SLC14A2: variants seen among roughly 807,000 people sequenced by gnomAD.
The protein encoded by SLC14A2 is urea transporter 2.
Under a neutral mutation model 104.6 loss-of-function variants are expected in SLC14A2, and 91 were observed. That is an observed-to-expected ratio of 0.87 (90% confidence interval 0.73 to 1.04). The LOEUF (loss-of-function observed/expected upper bound fraction) is 1.04. SLC14A2 is among the 50% of genes least tolerant of loss of function. The pLI, the probability that SLC14A2 is intolerant of heterozygous loss-of-function variation, is 0.00. For synonymous variants in SLC14A2, 476 were observed against 466.4 expected (o/e 1.02, Z -0.27); for missense variants, 1,189 against 1,156.0 (o/e 1.03, Z -0.41).
At chr18:45,547,493 T>G (rs1243560397) in intron 2 of SLC14A2, among the ~76,000 whole-genome samples, 1 of 152,178 alleles carries the variant, frequency 6.6e-6, no homozygotes, top group East Asian at 1.9e-4. Context: ...AGCCAGAGCA[T>G]AGGAGTGCCC....
intron 1 of SLC14A2, among the ~76,000 whole-genome samples, chr18:45,378,538 G>C (rs1222993241): frequency 6.6e-6 from 1 of 152,200 alleles, no homozygotes; most frequent in African/African-American, 2.4e-5. Flanking sequence ...GACATCAGTT[G>C]TCCTGAATTC....
chr18:45,466,556 T>C (rs2087146450), intron 1 of SLC14A2, among the ~76,000 whole-genome samples: 1 of 146,130 alleles, frequency 6.8e-6, no homozygotes, highest in Non-Finnish European at 1.5e-5. Flanking sequence ...AGAGAGAAGA[T>C]GCATCCTAGA....
At chr18:45,532,907 AG>A (rs1250227347) in intron 2 of SLC14A2, among the ~76,000 whole-genome samples, 3 of 152,166 alleles carry the variant, frequency 2.0e-5, no homozygotes, top group African/African-American at 7.2e-5. Context: ...TTTAGCATGA[AG>A]GGTTGTTGAA....
chr18:45,191,986 C>A, the SLC14A2 span, among the ~76,000 whole-genome samples: 2 of 152,190 alleles, frequency 1.3e-5, no homozygotes, highest in African/African-American at 2.4e-5. Context: ...AGAGGAATTA[C>A]AATCTGTGTG....
At chr18:45,276,189 C>A (rs373649358) in intron 1 of SLC14A2, among the ~76,000 whole-genome samples, 112 of 152,226 alleles carry the variant, frequency 7.4e-4, no homozygotes, top group African/African-American at 2.4e-3. Flanking sequence ...CATCTAGAGC[C>A]CTGTAGGTTG....
chr18:45,539,606 C>T (rs1007466349), intron 2 of SLC14A2, among the ~76,000 whole-genome samples: 5 of 152,194 alleles, frequency 3.3e-5, no homozygotes, highest in African/African-American at 1.2e-4. Context: ...CCCATCGATC[C>T]CAGACCATGC....
chr18:45,357,350 G>A (rs1477025808), intron 1 of SLC14A2, among the ~76,000 whole-genome samples: 4 of 151,208 alleles, frequency 2.6e-5, no homozygotes, highest in South Asian at 4.2e-4. Flanking sequence ...GGTGGCTCAC[G>A]CCTGTAATCC....
intron 2 of SLC14A2, among the ~76,000 whole-genome samples, chr18:45,494,568 AT>A (rs1014951071): frequency 3.2e-4 from 49 of 150,974 alleles, no homozygotes; most frequent in African/African-American, 1.0e-3. Context: ...CAGAAAAAAA[AT>A]TTTTTTTTTT....
intron 1 of SLC14A2, among the ~76,000 whole-genome samples, chr18:45,250,854 C>A (rs1266141909): frequency 2.2e-5 from 3 of 138,978 alleles, no homozygotes; most frequent in African/African-American, 8.1e-5. Flanking sequence ...CAGTTGTGAA[C>A]ATTATGGGAA....
intron 1 of SLC14A2, among the ~76,000 whole-genome samples, chr18:45,369,435 G>A (rs1490966935): frequency 6.6e-6 from 1 of 152,216 alleles, no homozygotes; most frequent in African/African-American, 2.4e-5. Context: ...TTAGGAAAAT[G>A]TAGGGCTTAA....
intron 1 of SLC14A2, among the ~76,000 whole-genome samples, chr18:45,317,020 C>T (rs1041112899): frequency 6.6e-6 from 1 of 152,208 alleles, no homozygotes; most frequent in Non-Finnish European, 1.5e-5. Context: ...AACTGAGACA[C>T]AGAAAAACTA....
chr18:45,325,020 G>T (rs1216755525), intron 1 of SLC14A2, among the ~76,000 whole-genome samples: 1 of 152,082 alleles, frequency 6.6e-6, no homozygotes, highest in Non-Finnish European at 1.5e-5. Flanking sequence ...TGCTGTGCAG[G>T]GCTCATTACC....
chr18:45,631,585 A>G (rs2045346831), intron 4 of SLC14A2, among the ~76,000 whole-genome samples: 1 of 152,270 alleles, frequency 6.6e-6, no homozygotes, highest in African/African-American at 2.4e-5. Context: ...TGTTGCAGAC[A>G]TGCAGAGAGA....
At chr18:45,498,353 G>A (rs987785149) in intron 2 of SLC14A2, among the ~76,000 whole-genome samples, 2 of 152,174 alleles carry the variant, frequency 1.3e-5, no homozygotes, top group African/African-American at 4.8e-5. Context: ...CACCTGACAG[G>A]GTCAGTGCCT....
intron 1 of SLC14A2, among the ~76,000 whole-genome samples, chr18:45,342,482 A>T (rs1291996188): frequency 6.6e-6 from 1 of 152,216 alleles, no homozygotes; most frequent in Non-Finnish European, 1.5e-5. Context: ...AACACGGGCC[A>T]GTCCATGCTG....
chr18:45,396,956 T>C (rs1026383132), intron 1 of SLC14A2, among the ~76,000 whole-genome samples: 21 of 152,212 alleles, frequency 1.4e-4, no homozygotes, highest in Non-Finnish European at 2.6e-4. Flanking sequence ...CTAAATGTAT[T>C]AGCCTCCAGC....
At chr18:45,194,917 T>A in the SLC14A2 span, among the ~76,000 whole-genome samples, 1 of 152,130 alleles carries the variant, frequency 6.6e-6, no homozygotes, top group African/African-American at 2.4e-5. Context: ...GTGCTGGGAT[T>A]CTTTTCTTTT....
chr18:45,674,403 T>C (rs959613940), intron 18 of SLC14A2, among the ~76,000 whole-genome samples: 8 of 152,184 alleles, frequency 5.3e-5, no homozygotes, highest in African/African-American at 9.7e-5. Flanking sequence ...TTCCAAATAT[T>C]CTTGCTCGGG....
At chr18:45,321,573 C>T (rs942873522) in intron 1 of SLC14A2, among the ~76,000 whole-genome samples, 3 of 152,132 alleles carry the variant, frequency 2.0e-5, no homozygotes, top group Non-Finnish European at 4.4e-5. Context: ...GGGAAGAAAG[C>T]GGATCTGTGT....
Sources: allele counts gnomAD v4.1 joint callset (sites outside exome capture counted in the v4.1 genomes callset), GRCh38; gene constraint gnomAD v4.1.1; transcripts MANE v1.5; gene names NCBI Gene and HGNC (gene_info 2026-07-23, HGNC 2026-07-21).